The following CPNE4 variants were observed in gnomAD, a reference collection of about 807,000 sequenced individuals.
CPNE4 encodes the protein copine-4.
Under a neutral mutation model 67.9 loss-of-function variants are expected in CPNE4, and 25 were observed. That is an observed-to-expected ratio of 0.37 (90% CI 0.27 to 0.51). The LOEUF is 0.51. Among genes scored for constraint, CPNE4 ranks in the 20% least tolerant of loss-of-function variants. CPNE4 has a pLI of 0.93. For synonymous variants in CPNE4, 242 were observed against 244.9 expected, an observed-to-expected ratio of 0.99 and a Z score of 0.11; for missense variants, 464 against 690.8, an observed-to-expected ratio of 0.67 and a Z score of 3.68.
chr3:131,555,027 A>C (rs1213636903), intron 12 of CPNE4, among the ~76,000 whole-genome samples: 1 of 152,034 alleles, frequency 6.6e-6, no homozygotes, highest in African/African-American at 2.4e-5. Flanking sequence ...CCAATTCTCT[A>C]AGTCATAATA....
intron 3 of CPNE4, among the ~76,000 whole-genome samples, chr3:131,712,185 C>A (rs571534283): frequency 6.6e-6 from 1 of 152,178 alleles, no homozygotes. Flanking sequence ...AGTCAGCATG[C>A]GGGTCTTATT....
intron 2 of CPNE4, among the ~76,000 whole-genome samples, chr3:131,819,941 A>G (rs1230551440): frequency 6.6e-6 from 1 of 152,206 alleles, no homozygotes; most frequent in African/African-American, 2.4e-5. Context: ...GAGATATATT[A>G]ATAATTTCTG....
At chr3:131,978,046 T>A (rs1282830418) in intron 1 of CPNE4, among the ~76,000 whole-genome samples, 1 of 94,194 alleles carries the variant, frequency 1.1e-5, no homozygotes, top group Non-Finnish European at 2.0e-5. Flanking sequence ...TATTCCATCA[T>A]AGATATATAT....
intron 7 of CPNE4, among the ~76,000 whole-genome samples, chr3:131,621,012 C>CATG (rs1441108603): frequency 1.3e-5 from 2 of 152,048 alleles, no homozygotes; most frequent in African/African-American, 4.8e-5. Flanking sequence ...CTGTTATTTC[C>CATG]ATGATGAGTA....
rs1202681927 is a variant in CPNE4 at position 131,669,743 on chromosome 3, G to T, written c.613C>A (p.Pro205Thr). Residue 205 changes from proline (P) to threonine (T), a missense_variant, in exon 7 of 16, where the codon CCA (proline) becomes ACA (threonine). By Grantham distance (38) the Pro-to-Thr change is conservative. Around this residue, in one of 6 missense-constraint regions of CPNE4, gnomAD observed 58 missense variants for 63.5 expected, o/e 0.91. Transcript: ENST00000429747. Reference protein sequence around the residue: ...RTEVVMNNLSPAWKSFKVSVN... With the variant: ...RTEVVMNNLSTAWKSFKVSVN... Reference sequence around the variant, plus strand: ...GATACTTTGAATGATTTCCAGGCTGGGCTTAAGTTATTCATCACAACCTGG... The same window carrying T: ...GATACTTTGAATGATTTCCAGGCTGTGCTTAAGTTATTCATCACAACCTGG... The T allele has an allele frequency of 6.2e-7, 1 of 1,613,712 alleles. No individual in the cohort carries two copies. Among genetic ancestry groups the T allele is most frequent in the African/African-American group, 1.3e-5 (1 of 74,988 alleles).
chr3:131,745,050 G>T (rs1317092205), intron 2 of CPNE4, among the ~76,000 whole-genome samples: 1 of 152,118 alleles, frequency 6.6e-6, no homozygotes, highest in Non-Finnish European at 1.5e-5. Flanking sequence ...ATTCCCATTA[G>T]CAAAGCATGA....
chr3:131,972,572 G>A (rs569999599), intron 1 of CPNE4, among the ~76,000 whole-genome samples: 2 of 152,234 alleles, frequency 1.3e-5, no homozygotes, highest in Admixed American at 6.5e-5. Context: ...CCTCACATCC[G>A]AGAAGAATCA....
intron 1 of CPNE4, among the ~76,000 whole-genome samples, chr3:131,955,298 T>C (rs1050846938): frequency 2.0e-5 from 3 of 151,948 alleles, no homozygotes; most frequent in Admixed American, 6.6e-5. Flanking sequence ...TCATATTATG[T>C]AATTTCCCTT....
At chr3:131,690,983 G>A (rs2081020276) in intron 5 of CPNE4, among the ~76,000 whole-genome samples, 1 of 152,120 alleles carries the variant, frequency 6.6e-6, no homozygotes, top group African/African-American at 2.4e-5. Context: ...TGAGAGAAAT[G>A]CAAATCAAAA....
chr3:131,794,774 G>A (rs751331454), intron 2 of CPNE4, among the ~76,000 whole-genome samples: 1 of 152,148 alleles, frequency 6.6e-6, no homozygotes, highest in Non-Finnish European at 1.5e-5. Flanking sequence ...GGTAGTTGAG[G>A]CTTGAGTACT....
At chr3:131,849,661 T>A (rs1163079188) in intron 2 of CPNE4, among the ~76,000 whole-genome samples, 2 of 152,148 alleles carry the variant, frequency 1.3e-5, no homozygotes, top group African/African-American at 2.4e-5. Context: ...AGCCCAAGCC[T>A]TAAGAGTCCT....
chr3:131,792,841 G>A (rs1383399821), intron 2 of CPNE4, among the ~76,000 whole-genome samples: 1 of 146,794 alleles, frequency 6.8e-6, no homozygotes, highest in African/African-American at 2.5e-5. Flanking sequence ...GTGCGTGTGT[G>A]TATATACATA....
chr3:132,012,610 C>T (rs369183378), intron 1 of CPNE4, among the ~76,000 whole-genome samples: 1 of 152,062 alleles, frequency 6.6e-6, no homozygotes, highest in Non-Finnish European at 1.5e-5. Context: ...CCAAGAGGCT[C>T]CTGGGCAAAT....
chr3:132,037,597 G>T (rs748652442), upstream of CPNE4: 6 of 1,535,942 alleles, frequency 3.9e-6, no homozygotes, highest in Non-Finnish European at 4.4e-6. Context: ...GAGCTGCTGG[G>T]TTCTACAGCC....
At chr3:131,827,575 A>G (rs922655142) in intron 2 of CPNE4, among the ~76,000 whole-genome samples, 12 of 152,120 alleles carry the variant, frequency 7.9e-5, no homozygotes, top group Non-Finnish European at 8.8e-5. Context: ...AAAATAGAGC[A>G]GAGTGAATCA....
intron 2 of CPNE4, 73 bp downstream of exon 2, chr3:131,905,191 G>T (rs975807136): frequency 7.7e-7 from 1 of 1,294,782 alleles, no homozygotes; most frequent in African/African-American, 1.5e-5. Flanking sequence ...ACCACCTGAA[G>T]ATATAAAATA....
chr3:131,893,287 A>T (rs1014622168), intron 2 of CPNE4, among the ~76,000 whole-genome samples: 8 of 152,070 alleles, frequency 5.3e-5, no homozygotes, highest in African/African-American at 1.7e-4. Context: ...AATTGTAAAT[A>T]TATAGGCACT....
intron 7 of CPNE4, among the ~76,000 whole-genome samples, chr3:131,595,105 C>T (rs1170569154): frequency 6.6e-6 from 1 of 152,178 alleles, no homozygotes; most frequent in Non-Finnish European, 1.5e-5. Flanking sequence ...AACCTTCGTA[C>T]ATTGTTGTTG....
At chr3:131,678,824 G>C (rs1021568894) in intron 6 of CPNE4, among the ~76,000 whole-genome samples, 1 of 152,064 alleles carries the variant, frequency 6.6e-6, no homozygotes, top group Non-Finnish European at 1.5e-5. Context: ...TGCTGGATTT[G>C]GTTTGCCAGT....
Sources: gnomAD v4.1 joint callset for allele counts (sites outside exome capture counted in the v4.1 genomes callset) on GRCh38, gnomAD v4.1.1 for gene constraint, gnomAD v4.1.1 regional missense constraint, MANE v1.5 for transcripts, NCBI Gene and HGNC (gene_info 2026-07-23, HGNC 2026-07-21) for gene names.